Variants in SLIT3 observed in about 807,000 individuals in gnomAD.
SLIT3 encodes the protein slit guidance ligand 3, also known as slit homolog 3 protein.
A neutral mutation model predicts 184.0 loss-of-function variants in SLIT3; 68 were observed. The observed-to-expected ratio is 0.37, with a 90% CI of 0.30 to 0.45. The LOEUF is 0.45. Ranked by LOEUF, SLIT3 falls within the 20% of genes least tolerant of loss-of-function variation. The pLI is 1.00. For missense variants in SLIT3, 1,707 were observed against 2,026.0 expected (o/e 0.84, Z 3.02); for synonymous variants, 831 against 828.6 (o/e 1.00, Z -0.05).
At chr5:168,823,417 T>G in intron 6 of SLIT3, 86 bp from the exon 7 acceptor site, 1 of 950,102 alleles carries the variant, frequency 1.1e-6, no homozygotes, top group Non-Finnish European at 1.7e-6. Flanking sequence ...GGAGGGATGG[T>G]TGTGACCGCA....
intron 1 of SLIT3, among the ~76,000 whole-genome samples, chr5:169,297,490 A>G (rs1767548041): frequency 6.6e-6 from 1 of 152,216 alleles, no homozygotes; most frequent in Non-Finnish European, 1.5e-5. Context: ...ACACACACAC[A>G]CAAATCCCTT....
chr5:168,944,146 C>T (rs756294307), intron 4 of SLIT3, among the ~76,000 whole-genome samples: 3 of 152,084 alleles, frequency 2.0e-5, no homozygotes, highest in African/African-American at 4.8e-5. Flanking sequence ...GATAACGGCC[C>T]GAGATTTTGT....
chr5:168,838,407 G>A (rs555962465), intron 6 of SLIT3, among the ~76,000 whole-genome samples: 10 of 150,598 alleles, frequency 6.6e-5, no homozygotes, highest in African/African-American at 2.5e-4. Context: ...CTCAAAAATA[G>A]AAGTAGACTC....
At chr5:168,683,353 GAAC>G (rs1482936151) in intron 32 of SLIT3, among the ~76,000 whole-genome samples, 2 of 111,794 alleles carry the variant, frequency 1.8e-5, no homozygotes, top group Non-Finnish European at 3.5e-5. Flanking sequence ...CTGGGCAAGA[GAAC>G]AAAACTCCAT....
At chr5:168,844,515 C>T in intron 6 of SLIT3, 69 bp downstream of exon 6, 1 of 1,416,922 alleles carries the variant, frequency 7.1e-7, no homozygotes, top group Non-Finnish European at 9.9e-7. Flanking sequence ...TCTCTCCTCC[C>T]CACACAGACA....
chr5:168,808,908 G>A (rs17635200), intron 8 of SLIT3, among the ~76,000 whole-genome samples: 20,497 of 152,030 alleles, frequency 0.13, 1,751 homozygotes, highest in South Asian at 0.3. Flanking sequence ...CAAAAGGAGA[G>A]CACACCTGAC....
At chr5:168,894,206 G>A (rs1251526027) in intron 4 of SLIT3, among the ~76,000 whole-genome samples, 3 of 152,216 alleles carry the variant, frequency 2.0e-5, no homozygotes, top group Non-Finnish European at 4.4e-5. Flanking sequence ...GAGTAAGTTT[G>A]GTTTTGGAAA....
intron 12 of SLIT3, among the ~76,000 whole-genome samples, chr5:168,784,581 C>T (rs1756084940): frequency 6.6e-6 from 1 of 152,136 alleles, no homozygotes; most frequent in South Asian, 2.1e-4. Flanking sequence ...AGAATCTGTC[C>T]AGAGCTGAGT....
At chr5:169,093,276 A>AC (rs1392752720) in intron 4 of SLIT3, among the ~76,000 whole-genome samples, 1 of 152,084 alleles carries the variant, frequency 6.6e-6, no homozygotes, top group African/African-American at 2.4e-5. Context: ...CCAGGATTGT[A>AC]CCCTACCAGT....
chr5:169,218,203 G>T (rs1030636615), intron 3 of SLIT3, among the ~76,000 whole-genome samples: 8 of 152,154 alleles, frequency 5.3e-5, no homozygotes, highest in Non-Finnish European at 1.0e-4. Flanking sequence ...ATATTCTTTT[G>T]AGTCACTTCA....
chr5:168,848,323 T>C (rs1327292895), intron 5 of SLIT3, among the ~76,000 whole-genome samples: 2 of 152,226 alleles, frequency 1.3e-5, no homozygotes, highest in African/African-American at 2.4e-5. Context: ...GCTAAGCACC[T>C]TCCCTGCTTC....
intron 4 of SLIT3, among the ~76,000 whole-genome samples, chr5:169,083,897 G>A (rs1394009547): frequency 6.6e-6 from 1 of 152,178 alleles, no homozygotes; most frequent in Non-Finnish European, 1.5e-5. Flanking sequence ...ATTGTCCCTC[G>A]TGGTTAGCTC....
At chr5:169,214,279 A>G (rs1764364330) in intron 3 of SLIT3, among the ~76,000 whole-genome samples, 1 of 152,256 alleles carries the variant, frequency 6.6e-6, no homozygotes, top group Non-Finnish European at 1.5e-5. Flanking sequence ...AAGATGTCCC[A>G]TGCAGAGTTT....
chr5:168,692,927 C>T (rs1163756750), intron 28 of SLIT3, among the ~76,000 whole-genome samples: 1 of 152,212 alleles, frequency 6.6e-6, no homozygotes, highest in Non-Finnish European at 1.5e-5. Flanking sequence ...CAGGTGTCCT[C>T]CTGGACACTG....
At chr5:168,685,023 T>C (rs1322743425) in intron 31 of SLIT3, among the ~76,000 whole-genome samples, 2 of 152,196 alleles carry the variant, frequency 1.3e-5, no homozygotes, top group African/African-American at 4.8e-5. Context: ...TGACCTCGGC[T>C]TACTGCAACC....
At chr5:168,681,932 T>C (rs1761604078) in intron 32 of SLIT3, among the ~76,000 whole-genome samples, 1 of 152,218 alleles carries the variant, frequency 6.6e-6, no homozygotes, top group Admixed American at 6.5e-5. Flanking sequence ...ATCCTGCTAT[T>C]GCTCACATTA....
chr5:169,040,702 G>C (rs930584077), intron 4 of SLIT3, among the ~76,000 whole-genome samples: 1 of 152,176 alleles, frequency 6.6e-6, no homozygotes, highest in African/African-American at 2.4e-5. Context: ...TAAGCTTTGC[G>C]TGATGGCACT....
At position 168,911,521 on chromosome 5, in the gene SLIT3, AC is replaced by A. The variant is rs568982282; in HGVS notation, c.414-28186del. 7.2e-5 allele frequency among the ~76,000 whole-genome samples: 11 copies of A among 152,296 alleles called. No homozygotes were observed. In the South Asian group the frequency reaches 2.1e-3, roughly 29 times the overall value. ...ATAGCTTAGGAAGTTATTTCTTGAA[AC>A]CGGCTCGCCACATACAAGTCATGTC... On this transcript the variant is annotated intron_variant, in intron 4 of 35. Transcript: ENST00000519560.
chr5:168,775,760 C>A (rs1365849116), intron 12 of SLIT3, among the ~76,000 whole-genome samples: 1 of 152,144 alleles, frequency 6.6e-6, no homozygotes, highest in South Asian at 2.1e-4. Context: ...CCAGGGTCAG[C>A]CTTCCTATCC....
Sources: allele counts gnomAD v4.1 joint callset (sites outside exome capture counted in the v4.1 genomes callset), GRCh38; gene constraint gnomAD v4.1.1; transcripts MANE v1.5; gene names NCBI Gene and HGNC (gene_info 2026-07-23, HGNC 2026-07-21).